Variants in LRRC2 observed in about 807,000 individuals in gnomAD.
LRRC2 encodes the protein leucine rich repeat containing 2.
A neutral mutation model predicts 40.2 loss-of-function variants in LRRC2; 27 were observed. The observed-to-expected ratio is 0.67, with a 90% confidence interval of 0.49 to 0.93. The LOEUF is 0.93. Among genes scored for constraint, LRRC2 ranks in the 40% least tolerant of loss-of-function variants. The pLI is 0.00. For synonymous variants in LRRC2, 147 were observed against 158.9 expected, an observed-to-expected ratio of 0.92 and a Z score of 0.56; for missense variants, 402 against 439.6, an observed-to-expected ratio of 0.91 and a Z score of 0.76.
Position 46,551,490 on chromosome 3 carries a change from C to A in LRRC2, c.102G>T (p.Arg34Ser). 1 of 1,613,912 alleles carries A rather than the reference C, an allele frequency of 6.2e-7. No homozygotes were observed. The change falls in exon 2 of 9, where the codon AGG (arginine) becomes AGT (serine). Residue 34 changes from arginine (R) to serine (S), a missense_variant. Arg to Ser is a moderately radical substitution (Grantham distance 110). Transcript: ENST00000395905. ...ACTTCTCCAAGGCGCTCTTCTCAAGCCTTTCCACCTCCTTCTTCTGCCAAG... is the reference window on the plus strand; with the variant it reads ...ACTTCTCCAAGGCGCTCTTCTCAAGACTTTCCACCTCCTTCTTCTGCCAAG... ...HKAWQKKEVERLEKSALEKIK... is the reference protein window; with the variant it reads ...HKAWQKKEVESLEKSALEKIK...
chr3:46,548,390 G>C lies in LRRC2; in HGVS notation c.125+3077C>G, dbSNP rs575612351. ...TGAAACCTGATGAAAGGAAAGTGAA[G>C]AAGGAAATATAAACTATTTTTTTAA... On this transcript the variant is annotated intron_variant, in intron 2 of 8. Transcript: ENST00000395905. Among the ~76,000 whole-genome samples the C allele has an allele frequency of 9.2e-5, 14 of 152,216 alleles. No individual in the cohort carries two copies. The South Asian group carries it at 2.7e-3, about 29-fold the overall frequency.
At chr3:46,559,967 T>G (rs1188521715) in intron 1 of LRRC2, among the ~76,000 whole-genome samples, 1 of 151,978 alleles carries the variant, frequency 6.6e-6, no homozygotes, top group Non-Finnish European at 1.5e-5. Context: ...TAATGAAAAC[T>G]GGAGACTAAG....
At chr3:46,529,786 C>A (rs1704126231) in intron 6 of LRRC2, 119 bp downstream of exon 6, 1 of 1,086,044 alleles carries the variant, frequency 9.2e-7, no homozygotes, top group Non-Finnish European at 1.3e-6. Context: ...GGAAAGGAAA[C>A]TCTGGAAAAT....
In LRRC2 at chr3:46,518,788, A is replaced by G; in HGVS notation, c.*226T>C. 1 of 446,424 alleles carries G rather than the reference A, an allele frequency of 2.2e-6. No homozygotes were observed. The highest frequency in any genetic ancestry group is 3.9e-6 in the Non-Finnish European group (1 of 254,306). The allele number at this position is 446,424 out of a possible 1,614,324, so 27.7% of individuals were successfully genotyped here. A position where few individuals can be genotyped will look rare whatever the true frequency, so the allele number is the denominator to read the frequency against. On this transcript the variant is annotated 3_prime_UTR_variant, in exon 9 of 9. Coordinates refer to ENST00000395905, the MANE Select transcript of LRRC2 (RefSeq NM_024512.5). ...CATTATTTGGAAAAAAGTATATGCA[A>G]ATGAACCTGGAAATATCAATATACA...
chr3:46,541,705 G>A (rs1704396161), intron 3 of LRRC2, among the ~76,000 whole-genome samples: 1 of 152,162 alleles, frequency 6.6e-6, no homozygotes, highest in African/African-American at 2.4e-5. Flanking sequence ...AGTGAGAGCT[G>A]AAGTCACGGC....
At chr3:46,541,930 C>T (rs959090473) in intron 3 of LRRC2, among the ~76,000 whole-genome samples, 5 of 152,054 alleles carry the variant, frequency 3.3e-5, no homozygotes, top group African/African-American at 9.7e-5. Flanking sequence ...ATTCTCTCTG[C>T]CCCAGGAACT....
chr3:46,552,265 A>C (rs1704672723), intron 1 of LRRC2, among the ~76,000 whole-genome samples: 1 of 152,036 alleles, frequency 6.6e-6, no homozygotes, highest in Admixed American at 6.6e-5. Flanking sequence ...GATAAGTTAG[A>C]TGAATTAATC....
rs374975166 is a variant in LRRC2 at position 46,558,792 on chromosome 3, G to C, written c.-19-7182C>G. ...AAGATTTAAGAAAGTAAGAAAGCGT[G>C]ACGGTTTGCTCCACTCTTTTGGGCT... On this transcript the variant is annotated intron_variant, in intron 1 of 8. Transcript: ENST00000395905. The C allele has an allele frequency of 6.6e-5, 10 of 152,318 alleles. No homozygotes were observed. The East Asian group carries it at 1.7e-3, about 26-fold the overall frequency. The allele number at this position is 152,318 out of a possible 1,614,324, so 9.4% of individuals were successfully genotyped here.
chr3:46,562,142 G>A (rs1704958205), intron 1 of LRRC2, among the ~76,000 whole-genome samples: 1 of 152,148 alleles, frequency 6.6e-6, no homozygotes, highest in African/African-American at 2.4e-5. Flanking sequence ...ATGGTGTGTG[G>A]CTTCTGAGAC....
intron 3 of LRRC2, among the ~76,000 whole-genome samples, chr3:46,544,657 T>G (rs1704485557): frequency 6.6e-6 from 1 of 152,270 alleles, no homozygotes; most frequent in African/African-American, 2.4e-5. Context: ...ATAAAGGATC[T>G]GCAGAAATTC....
At position 46,519,066 on chromosome 3, in the gene LRRC2, G is replaced by A. The variant is rs948897137; in HGVS notation, c.1067-3C>T. ...GGTGGTATAGCTGGGAACAGATTCT[G>A]TAACAGAAAGAAAAAAGTATGCTCA... On this transcript the variant is annotated splice_region_variant and splice_polypyrimidine_tract_variant and intron_variant, in intron 8 of 8. Coordinates refer to ENST00000395905, the MANE Select transcript of LRRC2 (RefSeq NM_024512.5). 2 of 1,603,930 alleles carry A rather than the reference G, an allele frequency of 1.2e-6. No individual in the cohort carries two copies. The highest frequency in any genetic ancestry group is 1.7e-5 in the Admixed American group (1 of 59,986).
intron 8 of LRRC2, among the ~76,000 whole-genome samples, chr3:46,520,971 G>T (rs1302687953): frequency 6.6e-6 from 1 of 152,132 alleles, no homozygotes. Flanking sequence ...GGAATCTGGC[G>T]CTGGGAAAAA....
chr3:46,545,003 A>G, intron 3 of LRRC2, 43 bp downstream of exon 3: 3 of 1,565,270 alleles, frequency 1.9e-6, no homozygotes, highest in South Asian at 1.1e-5. Flanking sequence ...AGCAGCAGTC[A>G]TCGACCACAG....
At chr3:46,531,530 G>A (rs1192503143) in intron 5 of LRRC2, among the ~76,000 whole-genome samples, 7 of 152,222 alleles carry the variant, frequency 4.6e-5, no homozygotes, top group Admixed American at 6.5e-5. Flanking sequence ...TATTCTGGAG[G>A]GCATGCTCAA....
At chr3:46,565,710 AC>A (rs1312216483) in intron 1 of LRRC2, among the ~76,000 whole-genome samples, 1 of 151,890 alleles carries the variant, frequency 6.6e-6, no homozygotes, top group Non-Finnish European at 1.5e-5. Flanking sequence ...GCCTGTCCCC[AC>A]CCCAAGCCAG....
intron 7 of LRRC2, among the ~76,000 whole-genome samples, chr3:46,524,491 T>G (rs1704022122): frequency 6.6e-6 from 1 of 152,214 alleles, no homozygotes; most frequent in Admixed American, 6.5e-5. Flanking sequence ...GTACCGAAAT[T>G]TCTGGCCACC....
Position 46,515,861 on chromosome 3 carries a change from T to C in LRRC2, c.*3153A>G, listed in dbSNP as rs1356729063. The C allele has an allele frequency of 1.3e-5, 2 of 152,108 alleles. No individual in the cohort carries two copies. The highest frequency in any genetic ancestry group is 2.9e-5 in the Non-Finnish European group (2 of 68,022). The allele number at this position is 152,108 out of a possible 1,614,324, so 9.4% of individuals were successfully genotyped here. On this transcript the variant is annotated 3_prime_UTR_variant, in exon 9 of 9. Transcript: ENST00000395905. ...AAGTAGTAGAGCTAATAAATTTGAA[T>C]TGTATTTTTAGTGTTAAAAAGAAAA...
chr3:46,522,521 G>C lies in LRRC2; in HGVS notation c.930-863C>G, dbSNP rs570162145. On this transcript the variant is annotated intron_variant, in intron 7 of 8. Coordinates refer to ENST00000395905, the MANE Select transcript of LRRC2 (RefSeq NM_024512.5). Reference sequence around the variant, plus strand: ...GAGGCCAGGAGTTGGAGACCAGCCTGGGCAACATAGAGAGACTCCATCTCT... The same window carrying C: ...GAGGCCAGGAGTTGGAGACCAGCCTCGGCAACATAGAGAGACTCCATCTCT... Among the ~76,000 whole-genome samples the C allele has an allele frequency of 2.3e-3, 357 of 152,004 alleles. 1 individual carries two copies. The highest frequency in any genetic ancestry group is 8.3e-3 in the African/African-American group (344 of 41,428).
intron 7 of LRRC2, among the ~76,000 whole-genome samples, chr3:46,523,517 A>C (rs1210426655): frequency 2.0e-5 from 3 of 152,218 alleles, no homozygotes; most frequent in Non-Finnish European, 4.4e-5. Context: ...TTACTTTTTA[A>C]ACATTTTATT....
Sources: gnomAD v4.1 joint callset for allele counts (sites outside exome capture counted in the v4.1 genomes callset) on GRCh38, gnomAD v4.1.1 for gene constraint, MANE v1.5 for transcripts, NCBI Gene and HGNC (gene_info 2026-07-23, HGNC 2026-07-21) for gene names.